The following KRTAP13-3 variants were observed in gnomAD, a reference collection of about 807,000 sequenced individuals.
KRTAP13-3 encodes the protein keratin associated protein 13-3.
For synonymous variants in KRTAP13-3, 98 were observed against 79.4 expected (o/e 1.23, Z -1.25); for missense variants, 243 against 202.8 (o/e 1.20, Z -1.20).
exon 1 of KRTAP13-3, chr21:30,425,899 C>A (rs182986702): frequency 6.2e-7 from 1 of 1,612,540 alleles, no homozygotes; most frequent in Non-Finnish European, 8.5e-7. Flanking sequence ...TCTAGAGCAA[C>A]AGTTGTAGGA....
At chr21:30,425,410 C>G (rs767953490) in exon 1 of KRTAP13-3, 2 of 1,567,008 alleles carry the variant, frequency 1.3e-6, no homozygotes, top group Non-Finnish European at 1.7e-6. Flanking sequence ...GAAACCAGAT[C>G]TACAGAATGG....
At position 30,425,599 on chromosome 21, in the gene KRTAP13-3, T is replaced by C. The variant is rs1399040903; in HGVS notation, c.314A>G (p.Asn105Ser). The change falls in exon 1 of 1, where the codon AAT (asparagine) becomes AGT (serine). Residue 105 changes from asparagine to serine, a missense_variant. Asn to Ser is a conservative substitution (Grantham distance 46, BLOSUM62 1). Transcript: ENST00000390690. Reference sequence around the variant, plus strand: ...TCCACAGCTCAGGGAGCAGCAGCTATTGGATCCAAAACCCCGAGACCCAAC... The same window carrying C: ...TCCACAGCTCAGGGAGCAGCAGCTACTGGATCCAAAACCCCGAGACCCAAC... 2 of 1,613,976 alleles carry C rather than the reference T, an allele frequency of 1.2e-6. No individual in the cohort carries two copies. The highest frequency in any genetic ancestry group is 8.5e-7 in the Non-Finnish European group (1 of 1,180,002).
chr21:30,425,420 G>C, exon 1 of KRTAP13-3: 1 of 1,578,138 alleles, frequency 6.3e-7, no homozygotes. Flanking sequence ...CTACAGAATG[G>C]CTGATAACAA....
At chr21:30,425,503 G>T in exon 1 of KRTAP13-3, 1 of 1,613,752 alleles carries the variant, frequency 6.2e-7, no homozygotes, top group Non-Finnish European at 8.5e-7. Context: ...CTGGGAAGGG[G>T]AGGTATGGAT....
At chr21:30,425,555 G>T (rs1297561181) in exon 1 of KRTAP13-3, 2 of 1,614,120 alleles carry the variant, frequency 1.2e-6, no homozygotes, top group South Asian at 2.2e-5. Flanking sequence ...CCACAGCCCA[G>T]TGAGGAGCAG....
At chr21:30,425,919 G>A (rs372478374) in exon 1 of KRTAP13-3, 36 of 1,604,758 alleles carry the variant, frequency 2.2e-5, no homozygotes, top group East Asian at 1.3e-4. Flanking sequence ...ACATGTTGAC[G>A]GGAAGATGTG....
At chr21:30,425,445 C>T (rs748042014) in exon 1 of KRTAP13-3, 2 of 1,602,198 alleles carry the variant, frequency 1.2e-6, no homozygotes, top group East Asian at 2.2e-5. Flanking sequence ...AATGGAACCA[C>T]CTTCTAGGTG....
exon 1 of KRTAP13-3, chr21:30,425,854 T>C: frequency 6.2e-7 from 1 of 1,614,042 alleles, no homozygotes; most frequent in Non-Finnish European, 8.5e-7. Context: ...GCCTGGGTAG[T>C]GCAAGTAACC....
chr21:30,425,536 C>G, exon 1 of KRTAP13-3: 1 of 1,614,040 alleles, frequency 6.2e-7, no homozygotes, highest in Non-Finnish European at 8.5e-7. Flanking sequence ...ATATCTGAAG[C>G]CATTGGATCC....
chr21:30,425,900 A>G, exon 1 of KRTAP13-3: 1 of 1,612,634 alleles, frequency 6.2e-7, no homozygotes, highest in East Asian at 2.2e-5. Flanking sequence ...CTAGAGCAAC[A>G]GTTGTAGGAC....
chr21:30,425,805 G>A (rs1235345850), exon 1 of KRTAP13-3: 4 of 1,614,190 alleles, frequency 2.5e-6, no homozygotes, highest in Non-Finnish European at 3.4e-6. Context: ...GGTCAGTGCT[G>A]TAGACCAGGT....
exon 1 of KRTAP13-3, chr21:30,425,826 G>C: frequency 6.2e-7 from 1 of 1,614,172 alleles, no homozygotes; most frequent in Non-Finnish European, 8.5e-7. Context: ...TGCTGGGGTA[G>C]GAAGAGCCAC....
exon 1 of KRTAP13-3, chr21:30,425,707 A>G (rs981486297): frequency 1.9e-6 from 3 of 1,613,860 alleles, no homozygotes; most frequent in African/African-American, 1.3e-5. Flanking sequence ...CTCAACACAC[A>G]ATGTCTGACA....
exon 1 of KRTAP13-3, chr21:30,425,510 G>A (rs906537203): frequency 6.2e-7 from 1 of 1,614,032 alleles, no homozygotes; most frequent in Non-Finnish European, 8.5e-7. Context: ...GGGGAGGTAT[G>A]GATTCTATAA....
exon 1 of KRTAP13-3, chr21:30,425,750 C>T: frequency 1.2e-6 from 2 of 1,614,136 alleles, no homozygotes; most frequent in East Asian, 2.2e-5. Context: ...TCCTGACAGC[C>T]CCTATAGAGA....
At chr21:30,425,845 C>G in exon 1 of KRTAP13-3, 1 of 1,614,094 alleles carries the variant, frequency 6.2e-7, no homozygotes, top group Non-Finnish European at 8.5e-7. Context: ...ACAGGAGGAG[C>G]CTGGGTAGTG....
At chr21:30,425,531 T>G in exon 1 of KRTAP13-3, 1 of 1,614,088 alleles carries the variant, frequency 6.2e-7, no homozygotes, top group Non-Finnish European at 8.5e-7. Flanking sequence ...TTCAGATATC[T>G]GAAGCCATTG....
exon 1 of KRTAP13-3, chr21:30,425,759 G>C (rs1426681630): frequency 1.2e-6 from 2 of 1,614,078 alleles, no homozygotes; most frequent in Admixed American, 1.7e-5. Flanking sequence ...CCCCTATAGA[G>C]AGAGGAACCC....
At chr21:30,425,554 A>C in exon 1 of KRTAP13-3, 1 of 1,614,156 alleles carries the variant, frequency 6.2e-7, no homozygotes, top group South Asian at 1.1e-5. Flanking sequence ...TCCACAGCCC[A>C]GTGAGGAGCA....
Sources: gnomAD v4.1 joint callset for allele counts on GRCh38, gnomAD v4.1.1 for gene constraint, MANE v1.5 for transcripts, NCBI Gene and HGNC (gene_info 2026-07-23, HGNC 2026-07-21) for gene names.